The following GPR158 variants were observed in gnomAD, a reference collection of about 807,000 sequenced individuals.
GPR158 encodes G protein-coupled receptor 158, also known as metabotropic glycine receptor.
GPR158 carries 30 observed loss-of-function variants against 78.2 expected under a neutral mutation model. The ratio of observed to expected loss-of-function variants is 0.38; its 90% CI spans 0.29 to 0.52. The LOEUF is 0.52. Ranked by LOEUF, GPR158 falls within the 20% of genes least tolerant of loss-of-function variation. The probability of loss-of-function intolerance (pLI) is 0.83; values close to 1 mark genes in which losing one functional copy is unlikely to be tolerated. For synonymous variants in GPR158, 581 were observed against 591.1 expected (o/e 0.98, Z 0.25); for missense variants, 1,463 against 1,523.5 (o/e 0.96, Z 0.66).
intron 5 of GPR158, among the ~76,000 whole-genome samples, chr10:25,493,909 G>T (rs547844798): frequency 6.6e-6 from 1 of 152,130 alleles, no homozygotes; most frequent in Non-Finnish European, 1.5e-5. Flanking sequence ...TGCTTATTGC[G>T]CTAAAGCTTT....
At chr10:25,205,221 T>TG (rs1853006360) in intron 1 of GPR158, among the ~76,000 whole-genome samples, 1 of 151,892 alleles carries the variant, frequency 6.6e-6, no homozygotes, top group Non-Finnish European at 1.5e-5. Context: ...AGCATGAAAA[T>TG]GGACTAATAC....
At chr10:25,580,405 TTTAA>T (rs757169465) in intron 7 of GPR158, among the ~76,000 whole-genome samples, 38 of 152,248 alleles carry the variant, frequency 2.5e-4, no homozygotes, top group Admixed American at 5.2e-4. Context: ...TGTTCAGTAA[TTTAA>T]TTAGTCATAT....
intron 2 of GPR158, among the ~76,000 whole-genome samples, chr10:25,235,563 A>G (rs1267868700): frequency 1.3e-5 from 2 of 151,858 alleles, no homozygotes; most frequent in Admixed American, 6.6e-5. Context: ...TTCTAGAGAT[A>G]GTATTGCATA....
intron 1 of GPR158, among the ~76,000 whole-genome samples, chr10:25,181,716 T>C (rs1470860804): frequency 6.6e-6 from 1 of 152,192 alleles, no homozygotes; most frequent in Non-Finnish European, 1.5e-5. Context: ...TGTCACTTTA[T>C]TTTATTTATT....
chr10:25,541,960 TATTATATATTATAATTATAA>T (rs1161902892), intron 5 of GPR158, among the ~76,000 whole-genome samples: 3 of 147,464 alleles, frequency 2.0e-5, no homozygotes, highest in Non-Finnish European at 4.5e-5. Context: ...ATAAATTATA[TATTATATATTATAATTATAA>T]ATTATATATT....
intron 5 of GPR158, among the ~76,000 whole-genome samples, chr10:25,487,534 G>C (rs1317130351): frequency 6.6e-6 from 1 of 152,150 alleles, no homozygotes; most frequent in African/African-American, 2.4e-5. Context: ...ACAGTATAGA[G>C]GTTAAGGATG....
rs555606581 is a variant in GPR158 at position 25,292,043 on chromosome 10, G to C, written c.1008+70886G>C. Among the ~76,000 whole-genome samples, 4 of 151,974 alleles carry C rather than the reference G, an allele frequency of 2.6e-5. No homozygotes were observed. In the East Asian group the frequency reaches 7.7e-4, roughly 29 times the overall value. ...TTGGCCCCGGCAGTTCCAAACCATA[G>C]GAATCACTCCAACAAAGTAGTTAGA... On this transcript the variant is annotated intron_variant, in intron 2 of 10. Transcript: ENST00000376351.
intron 2 of GPR158, among the ~76,000 whole-genome samples, chr10:25,280,929 G>T (rs959419254): frequency 6.6e-6 from 1 of 152,060 alleles, no homozygotes; most frequent in Non-Finnish European, 1.5e-5. Context: ...GAGGCCAGGA[G>T]TTGGAGACCA....
At chr10:25,213,761 T>C (rs907507825) in intron 1 of GPR158, among the ~76,000 whole-genome samples, 1 of 152,240 alleles carries the variant, frequency 6.6e-6, no homozygotes, top group Non-Finnish European at 1.5e-5. Flanking sequence ...AAATTTTTTA[T>C]GCTTATTGTG....
intron 2 of GPR158, among the ~76,000 whole-genome samples, chr10:25,383,659 A>G (rs751245557): frequency 4.4e-4 from 67 of 152,190 alleles, no homozygotes; most frequent in Admixed American, 1.0e-3. Flanking sequence ...TATATTTCAT[A>G]TGTACATTTT....
intron 5 of GPR158, among the ~76,000 whole-genome samples, chr10:25,550,096 G>A (rs1440029619): frequency 6.6e-6 from 1 of 152,178 alleles, no homozygotes; most frequent in Non-Finnish European, 1.5e-5. Flanking sequence ...CATATGAAGA[G>A]TAGTGGAGTG....
intron 1 of GPR158, among the ~76,000 whole-genome samples, chr10:25,206,137 C>T (rs547315544): frequency 6.6e-6 from 1 of 152,066 alleles, no homozygotes; most frequent in African/African-American, 2.4e-5. Context: ...AGGCGCCCAC[C>T]ACCACACCTG....
At chr10:25,449,206 T>C (rs1374871023) in intron 4 of GPR158, among the ~76,000 whole-genome samples, 1 of 152,224 alleles carries the variant, frequency 6.6e-6, no homozygotes, top group Non-Finnish European at 1.5e-5. Context: ...ATGATTCTGA[T>C]TATTTCCTTT....
chr10:25,445,388 T>C (rs1402700783), intron 4 of GPR158, among the ~76,000 whole-genome samples: 1 of 152,176 alleles, frequency 6.6e-6, no homozygotes, highest in Non-Finnish European at 1.5e-5. Flanking sequence ...GGCTCTGGAA[T>C]GTTTCAGATG....
Position 25,551,033 on chromosome 10 carries a change from C to T in GPR158, c.1462C>T (p.Arg488Cys). The stretch of plus-strand genomic sequence containing the variant: ...TCGCTGTATTCTCCTAAGATGGGCT[C>T]GTCTTCTCGGTTTTGCTACTGTTTA... ...TFRCILLRWA[R>C]LLGFATVYGT... The change falls in exon 6 of 11, where the codon CGT (arginine) becomes TGT (cysteine). Residue 488 changes from arginine (R) to cysteine (C), a missense_variant. Arg to Cys is a radical substitution (Grantham distance 180, BLOSUM62 -3). Coordinates refer to ENST00000376351, the MANE Select transcript of GPR158 (RefSeq NM_020752.3). 2.5e-6 allele frequency: 4 copies of T among 1,610,944 alleles called. No homozygotes were observed. Among genetic ancestry groups the T allele is most frequent in the Non-Finnish European group, 3.4e-6 (4 of 1,177,322 alleles).
At chr10:25,271,805 A>AT (rs11427765) in intron 2 of GPR158, among the ~76,000 whole-genome samples, 32,937 of 149,854 alleles carry the variant, frequency 0.22, 6,155 homozygotes, top group African/African-American at 0.5. Flanking sequence ...CGCTTGGCTA[A>AT]TTTTTTTTTT....
intron 4 of GPR158, among the ~76,000 whole-genome samples, chr10:25,415,972 A>G (rs750139171): frequency 2.0e-5 from 3 of 152,264 alleles, no homozygotes; most frequent in Non-Finnish European, 4.4e-5. Context: ...ACTGGATTAT[A>G]TACTTTAAAA....
At chr10:25,403,580 G>T (rs1205755479) in intron 3 of GPR158, among the ~76,000 whole-genome samples, 1 of 152,076 alleles carries the variant, frequency 6.6e-6, no homozygotes, top group East Asian at 1.9e-4. Flanking sequence ...TTGGCATTCT[G>T]TGCATGGAGG....
chr10:25,327,612 C>G (rs1374133494), intron 2 of GPR158, among the ~76,000 whole-genome samples: 2 of 152,136 alleles, frequency 1.3e-5, no homozygotes, highest in African/African-American at 4.8e-5. Context: ...ATTTATGACT[C>G]TTAGGGAAGA....
Sources: gnomAD v4.1 joint callset for allele counts (sites outside exome capture counted in the v4.1 genomes callset) on GRCh38, gnomAD v4.1.1 for gene constraint, MANE v1.5 for transcripts, NCBI Gene and HGNC (gene_info 2026-07-23, HGNC 2026-07-21) for gene names.